The following TRAPPC9 variants were observed in gnomAD, a reference collection of about 807,000 sequenced individuals.
The protein encoded by TRAPPC9 is trafficking protein particle complex subunit 9, also known as IKK2 binding protein.
Under a neutral mutation model 124.0 loss-of-function variants are expected in TRAPPC9, and 83 were observed. The ratio of observed to expected loss-of-function variants is 0.67; its 90% CI spans 0.56 to 0.80. TRAPPC9 has a LOEUF of 0.80. TRAPPC9 is among the 30% of genes least tolerant of loss of function. The probability of loss-of-function intolerance (pLI) is 0.00; values close to 1 mark genes in which losing one functional copy is unlikely to be tolerated. For missense variants in TRAPPC9, 1,302 were observed against 1,508.3 expected, an observed-to-expected ratio of 0.86 and a Z score of 2.27; for synonymous variants, 638 against 617.5, an observed-to-expected ratio of 1.03 and a Z score of -0.49.
At chr8:139,860,834 C>A (rs576072677) in intron 21 of TRAPPC9, among the ~76,000 whole-genome samples, 1 of 152,260 alleles carries the variant, frequency 6.6e-6, no homozygotes, top group Non-Finnish European at 1.5e-5. Flanking sequence ...TGCTGAGGGG[C>A]CTCCCAGCCC....
At chr8:140,052,781 C>CA (rs34703292) in intron 17 of TRAPPC9, among the ~76,000 whole-genome samples, 1,709 of 134,540 alleles carry the variant, frequency 0.013, 19 homozygotes, top group Middle Eastern at 0.025. Context: ...GACTCCGTCT[C>CA]AAAAAAAAAA....
chr8:140,085,920 C>T (rs943914213), intron 17 of TRAPPC9, among the ~76,000 whole-genome samples: 2 of 152,200 alleles, frequency 1.3e-5, no homozygotes, highest in Non-Finnish European at 2.9e-5. Flanking sequence ...ATAGCTTCCC[C>T]CCACCCCACA....
At chr8:139,995,723 T>G (rs1282463253) in intron 18 of TRAPPC9, among the ~76,000 whole-genome samples, 1 of 151,754 alleles carries the variant, frequency 6.6e-6, no homozygotes, top group Non-Finnish European at 1.5e-5. Context: ...AATCAGACCC[T>G]CAAGAGCAAA....
intron 17 of TRAPPC9, among the ~76,000 whole-genome samples, chr8:140,078,733 C>T (rs1843648859): frequency 6.6e-6 from 1 of 152,102 alleles, no homozygotes; most frequent in South Asian, 2.1e-4. Flanking sequence ...CATGCAGGTA[C>T]ACAGGAGCCA....
intron 17 of TRAPPC9, among the ~76,000 whole-genome samples, chr8:140,213,085 G>T (rs7386143): frequency 5.8e-4 from 87 of 148,748 alleles, no homozygotes; most frequent in Middle Eastern, 3.4e-3. Context: ...AAAAAAAAAA[G>T]TTTTTTTGTT....
At chr8:140,315,402 C>T (rs2066417855) in intron 9 of TRAPPC9, among the ~76,000 whole-genome samples, 1 of 151,910 alleles carries the variant, frequency 6.6e-6, no homozygotes. Context: ...GAAGCATTAA[C>T]CAACTCCTTA....
intron 21 of TRAPPC9, among the ~76,000 whole-genome samples, chr8:139,785,380 A>G (rs1354632657): frequency 6.6e-6 from 1 of 152,248 alleles, no homozygotes; most frequent in Non-Finnish European, 1.5e-5. Flanking sequence ...TTTCTTAGAT[A>G]CGACACCAAA....
At chr8:139,915,024 A>C (rs1832023697) in intron 19 of TRAPPC9, 1 of 152,200 alleles carries the variant, frequency 6.6e-6, no homozygotes, top group African/African-American at 2.4e-5. Context: ...GGGGTGGGAA[A>C]TCATTATCTT....
chr8:140,416,143 A>C (rs2069920757), intron 5 of TRAPPC9, among the ~76,000 whole-genome samples: 2 of 152,192 alleles, frequency 1.3e-5, no homozygotes, highest in Non-Finnish European at 2.9e-5. Context: ...ACAACCACAA[A>C]ATTATGAACT....
chr8:140,290,798 T>C (rs2065630809), intron 12 of TRAPPC9, among the ~76,000 whole-genome samples, 195 bp downstream of exon 12: 1 of 152,232 alleles, frequency 6.6e-6, no homozygotes, highest in African/African-American at 2.4e-5. Flanking sequence ...TTCAAATATT[T>C]ATTGAAAACC....
chr8:139,951,006 C>A (rs1000783302), intron 19 of TRAPPC9, among the ~76,000 whole-genome samples: 1 of 152,208 alleles, frequency 6.6e-6, no homozygotes, highest in African/African-American at 2.4e-5. Context: ...AGTGCCTCAC[C>A]TGCTCACGGC....
At chr8:139,891,572 C>A (rs1830345855) in intron 20 of TRAPPC9, among the ~76,000 whole-genome samples, 1 of 152,378 alleles carries the variant, frequency 6.6e-6, no homozygotes, top group East Asian at 1.9e-4. Flanking sequence ...ACATGCGGCA[C>A]CCTCCTGGAG....
rs1353494942 is a variant in TRAPPC9, at chr8:139,979,276, G to A, written c.2810+9450C>T. On this transcript the variant is annotated intron_variant, in intron 19 of 22. Coordinates refer to ENST00000438773, the MANE Select transcript of TRAPPC9 (RefSeq NM_001160372.4). ...TGAGAGCCTGGGAGTGAAGGCTCCG[G>A]TGGGACCACCTGCCCCAGGAAGGAG... 2.0e-5 allele frequency among the ~76,000 whole-genome samples: 3 copies of A among 152,158 alleles called. No individual in the cohort carries two copies. The East Asian group carries it at 5.8e-4, about 29-fold the overall frequency.
intron 14 of TRAPPC9, among the ~76,000 whole-genome samples, chr8:140,279,476 C>T (rs1421528105): frequency 6.6e-6 from 1 of 152,068 alleles, no homozygotes; most frequent in South Asian, 2.1e-4. Flanking sequence ...AAAATATATA[C>T]ATTATATACA....
chr8:139,796,517 T>A (rs1287013992), intron 21 of TRAPPC9, among the ~76,000 whole-genome samples: 1 of 152,234 alleles, frequency 6.6e-6, no homozygotes, highest in Non-Finnish European at 1.5e-5. Context: ...TGTGGCCTTC[T>A]GTGCCTGGCG....
At chr8:139,791,459 C>T (rs1010355931) in intron 21 of TRAPPC9, among the ~76,000 whole-genome samples, 3 of 150,400 alleles carry the variant, frequency 2.0e-5, no homozygotes, top group Admixed American at 6.6e-5. Context: ...CACGGGTACC[C>T]GTCTCCCGTG....
intron 21 of TRAPPC9, among the ~76,000 whole-genome samples, chr8:139,780,108 T>C (rs559186079): frequency 2.6e-5 from 4 of 152,310 alleles, no homozygotes; most frequent in East Asian, 1.9e-4. Context: ...TGATTATCTA[T>C]AGATTTAATG....
At chr8:140,031,496 C>A (rs536464019) in intron 17 of TRAPPC9, among the ~76,000 whole-genome samples, 2 of 152,304 alleles carry the variant, frequency 1.3e-5, no homozygotes, top group Admixed American at 1.3e-4. Context: ...CTCAATTGAA[C>A]CTGTCACCAC....
At chr8:140,113,937 G>C (rs2060830601) in intron 17 of TRAPPC9, among the ~76,000 whole-genome samples, 1 of 152,208 alleles carries the variant, frequency 6.6e-6, no homozygotes, top group South Asian at 2.1e-4. Context: ...CGATCGGAAA[G>C]TCAGGCCTGC....
Sources: gnomAD v4.1 joint callset for allele counts (sites outside exome capture counted in the v4.1 genomes callset) on GRCh38, gnomAD v4.1.1 for gene constraint, MANE v1.5 for transcripts, NCBI Gene and HGNC (gene_info 2026-07-23, HGNC 2026-07-21) for gene names.